Variants in CRPPA observed in about 807,000 individuals in gnomAD.
CRPPA encodes CDP-L-ribitol pyrophosphorylase A.
A neutral mutation model predicts 52.0 loss-of-function variants in CRPPA; 43 were observed. That is an observed-to-expected ratio of 0.83 (90% CI 0.65 to 1.07). The LOEUF (loss-of-function observed/expected upper bound fraction) is 1.07, where lower values mean the gene tolerates loss of function less well. Among genes scored for constraint, CRPPA ranks in the 50% least tolerant of loss-of-function variants. CRPPA has a pLI of 0.00. For synonymous variants in CRPPA, 250 were observed against 203.5 expected (o/e 1.23, Z -1.94); for missense variants, 629 against 551.7 (o/e 1.14, Z -1.40).
At chr7:16,275,232 C>T (rs1784176741) in intron 6 of CRPPA, among the ~76,000 whole-genome samples, 1 of 152,164 alleles carries the variant, frequency 6.6e-6, no homozygotes, top group South Asian at 2.1e-4. Flanking sequence ...CAGGCCATTC[C>T]ATTCTGGGAA....
chr7:16,353,531 A>C (rs1057118097), intron 3 of CRPPA, among the ~76,000 whole-genome samples: 1 of 152,110 alleles, frequency 6.6e-6, no homozygotes, highest in African/African-American at 2.4e-5. Flanking sequence ...AATACATTGA[A>C]TATTAACAAA....
At chr7:16,265,086 G>A (rs1783917985) in intron 6 of CRPPA, among the ~76,000 whole-genome samples, 1 of 152,204 alleles carries the variant, frequency 6.6e-6, no homozygotes, top group Admixed American at 6.5e-5. Context: ...AGGCTTTAAG[G>A]AAGTCAATCC....
intron 9 of CRPPA, among the ~76,000 whole-genome samples, chr7:16,197,109 A>G (rs1781755979): frequency 6.6e-6 from 1 of 152,104 alleles, no homozygotes; most frequent in South Asian, 2.1e-4. Flanking sequence ...TGAATACACC[A>G]GTGTGAACCT....
intron 9 of CRPPA, among the ~76,000 whole-genome samples, chr7:16,122,568 A>T (rs573642156): frequency 1.8e-3 from 268 of 152,196 alleles, no homozygotes; most frequent in African/African-American, 6.3e-3. Context: ...ATGAAAAATG[A>T]AAGGACAACT....
chr7:16,393,601 A>C (rs1787495671), intron 2 of CRPPA, among the ~76,000 whole-genome samples: 1 of 152,186 alleles, frequency 6.6e-6, no homozygotes, highest in African/African-American at 2.4e-5. Context: ...TCCATGTAAA[A>C]TTCAAAATTA....
chr7:16,156,165 T>TA (rs1483077537), intron 9 of CRPPA, among the ~76,000 whole-genome samples: 2 of 151,116 alleles, frequency 1.3e-5, no homozygotes, highest in African/African-American at 4.9e-5. Context: ...TCTAGAATCT[T>TA]AAAAAGAAGT....
At chr7:16,141,470 TCAA>T (rs1782869101) in intron 9 of CRPPA, among the ~76,000 whole-genome samples, 1 of 152,150 alleles carries the variant, frequency 6.6e-6, no homozygotes, top group African/African-American at 2.4e-5. Context: ...GATTTAGTGT[TCAA>T]CAAAACTAAA....
chr7:16,089,081 T>A lies in CRPPA; in HGVS notation c.*2614A>T, dbSNP rs1042187074. 4.5e-6 allele frequency: 1 copy of A among 224,608 alleles called. No homozygotes were observed. Among genetic ancestry groups the A allele is most frequent in the African/African-American group, 2.2e-5 (1 of 45,698 alleles). 13.9% of individuals were successfully genotyped at this position (224,608 alleles called of 1,614,324 possible). ...ATTTTGGCAAGGTAACTAAGATCCC[T>A]GAGCTCCAATTTCCTCATGAAAATA... On this transcript the variant is annotated 3_prime_UTR_variant, in exon 10 of 10. Transcript: ENST00000407010.
At chr7:16,254,679 T>C (rs1783566373) in intron 8 of CRPPA, among the ~76,000 whole-genome samples, 1 of 151,584 alleles carries the variant, frequency 6.6e-6, no homozygotes, top group Non-Finnish European at 1.5e-5. Flanking sequence ...ATGGCACATG[T>C]GTACCTATGT....
chr7:16,170,792 C>A (rs1225957156), intron 9 of CRPPA, among the ~76,000 whole-genome samples: 1 of 152,292 alleles, frequency 6.6e-6, no homozygotes, highest in Non-Finnish European at 1.5e-5. Context: ...TGCTGGGGGA[C>A]CTGGTGCACC....
intron 5 of CRPPA, among the ~76,000 whole-genome samples, chr7:16,287,853 C>T (rs534170385): frequency 7.5e-6 from 1 of 134,100 alleles, no homozygotes; most frequent in East Asian, 2.4e-4. Flanking sequence ...ACCTGGGAAG[C>T]AGAGGTTGCA....
In CRPPA at chr7:16,216,068, G is replaced by A; in HGVS notation, c.1249C>T (p.Gln417Ter). The A allele has an allele frequency of 6.3e-7, 1 of 1,581,708 alleles. No individual in the cohort carries two copies. The highest frequency in any genetic ancestry group is 8.6e-7 in the Non-Finnish European group (1 of 1,165,894). ...CGGAAGATAAACATTTTACCTACCT[G>A]TGGGTAAGATATGAGAAGCCCATAT... ...LLYGLLISYP[Q>*]DDQKLQESLR... The change falls in exon 9 of 10, where the codon CAG becomes TAG. Residue 417 changes from glutamine (Q) to a stop codon, truncating the protein, a stop_gained and splice_region_variant. Transcript: ENST00000407010. LOFTEE classifies it high-confidence loss of function.
chr7:16,110,777 C>A (rs908073769), intron 9 of CRPPA, among the ~76,000 whole-genome samples: 1 of 151,886 alleles, frequency 6.6e-6, no homozygotes, highest in African/African-American at 2.4e-5. Flanking sequence ...TAATCTCACA[C>A]CATATATAAA....
intron 9 of CRPPA, among the ~76,000 whole-genome samples, chr7:16,144,625 G>C (rs1037689129): frequency 1.3e-5 from 2 of 152,174 alleles, no homozygotes; most frequent in Non-Finnish European, 2.9e-5. Flanking sequence ...ACCGACCTTT[G>C]ATCATTCACA....
At position 16,196,293 on chromosome 7, in the gene CRPPA, G is replaced by A. The variant is rs1781731856; in HGVS notation, c.1251+19773C>T. On this transcript the variant is annotated intron_variant, in intron 9 of 9. Transcript: ENST00000407010. ...CCGGGTTCCTCACTAGCATATGACAGAGCTAGCAATTCCCACTTCATGTAG... is the reference window on the plus strand; with the variant it reads ...CCGGGTTCCTCACTAGCATATGACAAAGCTAGCAATTCCCACTTCATGTAG... 2.6e-5 allele frequency among the ~76,000 whole-genome samples: 4 copies of A among 152,070 alleles called. No homozygotes were observed. In the South Asian group the frequency reaches 6.2e-4, roughly 24 times the overall value.
intron 3 of CRPPA, among the ~76,000 whole-genome samples, chr7:16,319,916 C>T (rs1785221327): frequency 6.6e-6 from 1 of 152,100 alleles, no homozygotes; most frequent in African/African-American, 2.4e-5. Flanking sequence ...TATTTTGTCC[C>T]CCTTCATTCC....
chr7:16,392,301 A>C (rs1254889389), intron 2 of CRPPA, among the ~76,000 whole-genome samples: 1 of 152,164 alleles, frequency 6.6e-6, no homozygotes, highest in Non-Finnish European at 1.5e-5. Flanking sequence ...ACCAAAATAG[A>C]AATGTCAGCC....
chr7:16,409,199 C>T (rs577799718), intron 1 of CRPPA, among the ~76,000 whole-genome samples: 1 of 152,280 alleles, frequency 6.6e-6, no homozygotes, highest in South Asian at 2.1e-4. Context: ...CCATGCATGG[C>T]CAGCCTCTAG....
chr7:16,389,928 A>AAAAAAATATATATATGTATATAT, intron 2 of CRPPA, among the ~76,000 whole-genome samples: 1 of 29,760 alleles, frequency 3.4e-5, no homozygotes, highest in African/African-American at 1.7e-4. Context: ...AAAAAAAAAA[A>AAAAAAATATATATATGTATATAT]ATATATATAT....
Sources: allele counts gnomAD v4.1 joint callset (sites outside exome capture counted in the v4.1 genomes callset), GRCh38; gene constraint gnomAD v4.1.1; transcripts MANE v1.5; gene names NCBI Gene and HGNC (gene_info 2026-07-23, HGNC 2026-07-21).